Variants in GARIN5A observed in about 807,000 individuals in gnomAD.
The protein encoded by GARIN5A is golgi associated RAB2 interactor 5A.
chr19:50,474,151 C>G, the GARIN5A span, among the ~76,000 whole-genome samples: 1 of 148,758 alleles, frequency 6.7e-6, no homozygotes, highest in Non-Finnish European at 1.5e-5. Context: ...ATTACTTTTT[C>G]TTTTCTCTTT....
the GARIN5A span, among the ~76,000 whole-genome samples, chr19:50,472,101 T>TATATACGTGTGTATATGTAG: frequency 6.9e-6 from 1 of 144,740 alleles, no homozygotes; most frequent in Non-Finnish European, 1.5e-5. Context: ...TGTATATGTA[T>TATATACGTGTGTATATGTAG]ATATACGTGT....
the GARIN5A span, chr19:50,475,798 G>T: frequency 4.7e-6 from 7 of 1,485,722 alleles, no homozygotes; most frequent in South Asian, 5.7e-5. Flanking sequence ...GGGGCAGGCC[G>T]AGGCTGGGGA....
the GARIN5A span, chr19:50,476,228 C>T: frequency 6.2e-7 from 1 of 1,613,598 alleles, no homozygotes; most frequent in Non-Finnish European, 8.5e-7. Flanking sequence ...CGGGAGCGGA[C>T]GGAGGAGCAG....
At chr19:50,471,683 CGTGT>C in the GARIN5A span, among the ~76,000 whole-genome samples, 1 of 143,358 alleles carries the variant, frequency 7.0e-6, no homozygotes, top group Non-Finnish European at 1.5e-5. Flanking sequence ...CATACATGCA[CGTGT>C]GTGTATACGC....
the GARIN5A span, among the ~76,000 whole-genome samples, chr19:50,471,695 CGCATACATGCACGTGTGTGTAT>C: frequency 2.1e-5 from 3 of 146,152 alleles, no homozygotes; most frequent in African/African-American, 8.3e-5. Context: ...TGTGTGTATA[CGCATACATGCACGTGTGTGTAT>C]ACGCATACAT....
the GARIN5A span, chr19:50,467,540 TC>T: frequency 6.1e-6 from 9 of 1,484,576 alleles, no homozygotes; most frequent in African/African-American, 2.8e-5. Flanking sequence ...CCACTGCGCT[TC>T]CCCCCTCTCC....
At chr19:50,471,970 A>T in the GARIN5A span, among the ~76,000 whole-genome samples, 1 of 151,120 alleles carries the variant, frequency 6.6e-6, no homozygotes, top group Non-Finnish European at 1.5e-5. Context: ...ATGTATATAT[A>T]CATGTATGTG....
At chr19:50,467,191 G>T in the GARIN5A span, among the ~76,000 whole-genome samples, 2 of 152,104 alleles carry the variant, frequency 1.3e-5, no homozygotes, top group Non-Finnish European at 2.9e-5. Flanking sequence ...CAGGGCACAG[G>T]TTGTCCCTCT....
At chr19:50,471,901 C>T in the GARIN5A span, among the ~76,000 whole-genome samples, 1 of 148,488 alleles carries the variant, frequency 6.7e-6, no homozygotes, top group South Asian at 2.1e-4. Flanking sequence ...TGTATGCATA[C>T]ATGTATGTGT....
the GARIN5A span, among the ~76,000 whole-genome samples, chr19:50,472,261 GTGTA>G: frequency 8.6e-6 from 1 of 115,972 alleles, no homozygotes; most frequent in Non-Finnish European, 1.7e-5. Context: ...ACATGTATGT[GTGTA>G]TATATGTATA....
chr19:50,476,297 T>C, the GARIN5A span: 6 of 1,600,094 alleles, frequency 3.7e-6, no homozygotes, highest in South Asian at 1.1e-5. Context: ...CGGAGCGGGC[T>C]TTATGACGTC....
At chr19:50,469,909 T>C in the GARIN5A span, among the ~76,000 whole-genome samples, 1 of 152,158 alleles carries the variant, frequency 6.6e-6, no homozygotes, top group East Asian at 1.9e-4. Context: ...GTCCCCCAAA[T>C]AGAAGAATAA....
chr19:50,468,744 T>A, the GARIN5A span, among the ~76,000 whole-genome samples: 662 of 152,214 alleles, frequency 4.3e-3, 3 homozygotes, highest in African/African-American at 0.015. Context: ...GCTGGGACTA[T>A]ACGCGCACCA....
chr19:50,476,070 C>T, the GARIN5A span: 1 of 1,608,982 alleles, frequency 6.2e-7, no homozygotes, highest in Non-Finnish European at 8.5e-7. Flanking sequence ...ATTGCCGGCC[C>T]CATCCTACTT....
At chr19:50,472,836 C>T in the GARIN5A span, among the ~76,000 whole-genome samples, 4 of 152,034 alleles carry the variant, frequency 2.6e-5, no homozygotes, top group African/African-American at 7.2e-5. Context: ...GAACTGTGAT[C>T]ACTCCAGCCT....
At chr19:50,476,684 C>T in the GARIN5A span, 3 of 1,402,554 alleles carry the variant, frequency 2.1e-6, no homozygotes, top group Non-Finnish European at 2.8e-6. Context: ...CTGTGCATAG[C>T]GGGCGCGGTC....
chr19:50,470,870 G>A, the GARIN5A span, among the ~76,000 whole-genome samples: 3 of 151,836 alleles, frequency 2.0e-5, no homozygotes, highest in Non-Finnish European at 4.4e-5. Context: ...TGGCCAGGTT[G>A]GTCTCAAACT....
chr19:50,467,749 C>T, the GARIN5A span: 18 of 1,609,164 alleles, frequency 1.1e-5, no homozygotes, highest in African/African-American at 5.3e-5. Flanking sequence ...GTAGAAGGTG[C>T]GGCTGGTGTT....
At chr19:50,472,256 T>C in the GARIN5A span, among the ~76,000 whole-genome samples, 5 of 102,068 alleles carry the variant, frequency 4.9e-5, no homozygotes, top group South Asian at 5.7e-4. Flanking sequence ...TATATACATG[T>C]ATGTGTGTAT....
Sources: allele counts gnomAD v4.1 joint callset (sites outside exome capture counted in the v4.1 genomes callset), GRCh38; gene constraint gnomAD v4.1.1; transcripts MANE v1.5; gene names NCBI Gene and HGNC (gene_info 2026-07-23, HGNC 2026-07-21).